AKT3: variants seen among roughly 807,000 people sequenced by gnomAD.
AKT3 encodes AKT serine/threonine kinase 3.
Under a neutral mutation model 65.3 loss-of-function variants are expected in AKT3, and 15 were observed. The observed-to-expected ratio is 0.23, with a 90% CI of 0.15 to 0.35. The LOEUF (loss-of-function observed/expected upper bound fraction) is 0.35, where lower values mean the gene tolerates loss of function less well. Ranked by LOEUF, AKT3 falls within the 10% of genes least tolerant of loss-of-function variation. The pLI, the probability that AKT3 is intolerant of heterozygous loss-of-function variation, is 1.00. For synonymous variants in AKT3, 206 were observed against 183.8 expected, an observed-to-expected ratio of 1.12 and a Z score of -0.98; for missense variants, 243 against 576.5, an observed-to-expected ratio of 0.42 and a Z score of 5.92.
rs114841527 is a variant in AKT3, at chr1:243,658,229, T to C, written c.284+6543A>G. 5.7e-3 allele frequency among the ~76,000 whole-genome samples: 866 copies of C among 152,268 alleles called. 2 individuals are homozygous for C. Among genetic ancestry groups the C allele is most frequent in the Non-Finnish European group, 9.6e-3 (655 of 68,008 alleles). On this transcript the variant is annotated intron_variant, in intron 4 of 13. Transcript: ENST00000673466. ...ATAAGGGCTTAATATTCAAAATGTA[T>C]AGGGAACTCCTATAACTCAGTAGCG...
At chr1:243,557,226 A>G (rs549181457) in intron 10 of AKT3, among the ~76,000 whole-genome samples, 1 of 152,110 alleles carries the variant, frequency 6.6e-6, no homozygotes, top group Non-Finnish European at 1.5e-5. Context: ...ACATTATGGG[A>G]TTCCAAGAAA....
intron 4 of AKT3, among the ~76,000 whole-genome samples, chr1:243,654,729 T>C (rs534405767): frequency 6.6e-6 from 1 of 152,336 alleles, no homozygotes; most frequent in East Asian, 1.9e-4. Context: ...TTCATCATCT[T>C]TGGAAATATT....
chr1:243,731,449 A>G (rs1159505052), intron 2 of AKT3, among the ~76,000 whole-genome samples: 1 of 152,362 alleles, frequency 6.6e-6, no homozygotes, highest in African/African-American at 2.4e-5. Context: ...GTACAGCAAC[A>G]GTAACTAGGA....
At chr1:243,759,333 AT>A (rs369704063) in intron 2 of AKT3, among the ~76,000 whole-genome samples, 76,475 of 150,572 alleles carry the variant, frequency 0.51, 23,098 homozygotes, top group Non-Finnish European at 0.68. Flanking sequence ...AAAAAATAAA[AT>A]TAAATTAAAT....
At chr1:243,748,618 A>G (rs1171507952) in intron 2 of AKT3, among the ~76,000 whole-genome samples, 1 of 152,218 alleles carries the variant, frequency 6.6e-6, no homozygotes, top group African/African-American at 2.4e-5. Flanking sequence ...AAGTTCACTG[A>G]GAAATACTAT....
intron 2 of AKT3, among the ~76,000 whole-genome samples, chr1:243,822,997 T>C (rs760687402): frequency 2.2e-4 from 33 of 152,106 alleles, no homozygotes; most frequent in Non-Finnish European, 4.3e-4. Context: ...CTTCAGCCAA[T>C]ATCCCTGATG....
intron 2 of AKT3, 105 bp downstream of exon 2, chr1:243,843,020 G>A: frequency 2.5e-6 from 3 of 1,181,046 alleles, no homozygotes; most frequent in Non-Finnish European, 3.7e-6. Flanking sequence ...ACTAGACATA[G>A]CATGACACAG....
rs76423396 is a variant in AKT3, at chr1:243,503,747, T to C, written c.*1502A>G. The C allele has an allele frequency of 1.2e-3, 285 of 231,674 alleles. 2 individuals carry two copies. In the East Asian group the frequency reaches 0.017, roughly 14 times the overall value. The allele number at this position is 231,674 out of a possible 1,614,324, so 14.4% of individuals were successfully genotyped here. ...TGTTGTTTTTTCCCTGATGGCTTAA[T>C]TCAGTGATAAATGTACCATGATCCC... On this transcript the variant is annotated 3_prime_UTR_variant, in exon 14 of 14. Transcript: ENST00000673466.
chr1:243,646,976 T>C (rs1680870539), intron 4 of AKT3, among the ~76,000 whole-genome samples: 1 of 152,236 alleles, frequency 6.6e-6, no homozygotes, highest in Admixed American at 6.5e-5. Flanking sequence ...TCAGCTTGTC[T>C]ACTTCTTAAA....
intron 12 of AKT3, among the ~76,000 whole-genome samples, chr1:243,539,178 C>G (rs986111035): frequency 1.3e-5 from 2 of 152,100 alleles, no homozygotes; most frequent in Non-Finnish European, 2.9e-5. Context: ...TTTTCTTCTG[C>G]ATCTGCCACC....
chr1:243,795,197 T>C (rs909371002), intron 2 of AKT3, among the ~76,000 whole-genome samples: 4 of 151,970 alleles, frequency 2.6e-5, no homozygotes, highest in Non-Finnish European at 5.9e-5. Context: ...TTAGATTGTT[T>C]GCTCATATTT....
chr1:243,505,248 C>G lies in AKT3; in HGVS notation c.*1G>C, dbSNP rs2148345093. 6.2e-7 allele frequency: 1 copy of G among 1,612,256 alleles called. No individual in the cohort carries two copies. The highest frequency in any genetic ancestry group is 8.5e-7 in the Non-Finnish European group (1 of 1,178,284). On this transcript the variant is annotated 3_prime_UTR_variant, in exon 14 of 14. Coordinates refer to ENST00000673466, the MANE Select transcript of AKT3 (RefSeq NM_005465.7). Reference sequence around the variant, plus strand: ...CAGTGAAGTAGCAGAATGAAAGAGACTTATTCTCGTCCACTTGCAGAGTAG... The same window carrying G: ...CAGTGAAGTAGCAGAATGAAAGAGAGTTATTCTCGTCCACTTGCAGAGTAG...
At chr1:243,760,819 C>A (rs1689448584) in intron 2 of AKT3, among the ~76,000 whole-genome samples, 2 of 152,042 alleles carry the variant, frequency 1.3e-5, no homozygotes, top group Non-Finnish European at 2.9e-5. Flanking sequence ...CTATGATATG[C>A]CTTATGGAGA....
chr1:243,806,796 A>G (rs904871176), intron 2 of AKT3, among the ~76,000 whole-genome samples: 5 of 152,170 alleles, frequency 3.3e-5, no homozygotes, highest in African/African-American at 1.2e-4. Flanking sequence ...CATACATGGA[A>G]CTCAAATACC....
intron 4 of AKT3, among the ~76,000 whole-genome samples, chr1:243,660,269 G>A (rs1307668899): frequency 3.3e-5 from 5 of 152,220 alleles, no homozygotes; most frequent in South Asian, 2.1e-4. Context: ...TATTTGCGTA[G>A]AGGTGTTTGT....
chr1:243,524,035 T>C (rs1670890301), intron 12 of AKT3, among the ~76,000 whole-genome samples: 1 of 152,180 alleles, frequency 6.6e-6, no homozygotes, highest in Admixed American at 6.5e-5. Context: ...CTAGGCCATA[T>C]GGGATGGCCT....
At chr1:243,612,148 A>C (rs426182) in intron 8 of AKT3, among the ~76,000 whole-genome samples, 1 of 151,690 alleles carries the variant, frequency 6.6e-6, no homozygotes, top group Admixed American at 6.6e-5. Flanking sequence ...ATGCTCTGTC[A>C]CCCAGGCTGA....
chr1:243,613,134 T>C (rs189684890), intron 8 of AKT3: 3 of 145,092 alleles, frequency 2.1e-5, no homozygotes, highest in Non-Finnish European at 4.5e-5. Context: ...CATATACATA[T>C]ATACATACAT....
chr1:243,563,123 T>C (rs1673911145), intron 10 of AKT3, among the ~76,000 whole-genome samples: 1 of 152,182 alleles, frequency 6.6e-6, no homozygotes, highest in East Asian at 1.9e-4. Context: ...CTTTTCTGTG[T>C]TGTGCCTGTA....
Sources: allele counts gnomAD v4.1 joint callset (sites outside exome capture counted in the v4.1 genomes callset), GRCh38; gene constraint gnomAD v4.1.1; transcripts MANE v1.5; gene names NCBI Gene and HGNC (gene_info 2026-07-23, HGNC 2026-07-21).